The following PDLIM5 variants were observed in gnomAD, a reference collection of about 807,000 sequenced individuals.
PDLIM5 encodes PDZ and LIM domain protein 5.
PDLIM5 carries 34 observed loss-of-function variants against 64.2 expected under a neutral mutation model. That is an observed-to-expected ratio of 0.53 (90% confidence interval 0.40 to 0.71). The LOEUF (loss-of-function observed/expected upper bound fraction) is 0.71, where lower values mean the gene tolerates loss of function less well. Among genes scored for constraint, PDLIM5 ranks in the 30% least tolerant of loss-of-function variants. The pLI, the probability that PDLIM5 is intolerant of heterozygous loss-of-function variation, is 0.00. For missense variants in PDLIM5, 683 were observed against 733.6 expected (o/e 0.93, Z 0.80); for synonymous variants, 253 against 269.1 (o/e 0.94, Z 0.59).
chr4:94,459,198 T>C (rs1184996849), intron 2 of PDLIM5, among the ~76,000 whole-genome samples: 1 of 152,230 alleles, frequency 6.6e-6, no homozygotes, highest in East Asian at 1.9e-4. Context: ...TAAGTTGTTA[T>C]ATCCTAAAGT....
intron 7 of PDLIM5, among the ~76,000 whole-genome samples, chr4:94,600,605 A>G (rs1737417994): frequency 6.6e-6 from 1 of 152,218 alleles, no homozygotes; most frequent in Admixed American, 6.5e-5. Context: ...TAAAACTACA[A>G]AATGGCAGAT....
chr4:94,498,877 G>A (rs1015871976), intron 2 of PDLIM5, among the ~76,000 whole-genome samples: 1 of 152,174 alleles, frequency 6.6e-6, no homozygotes, highest in South Asian at 2.1e-4. Flanking sequence ...ACTTTATTAT[G>A]TGACTTCATA....
chr4:94,579,616 A>AT, intron 5 of PDLIM5: 5 of 636,444 alleles, frequency 7.9e-6, no homozygotes, highest in Non-Finnish European at 1.3e-5. Context: ...TTTTTGCAAA[A>AT]TTAAGTTAAA....
intron 2 of PDLIM5, among the ~76,000 whole-genome samples, chr4:94,504,101 A>AT (rs1425546958): frequency 1.3e-5 from 2 of 152,118 alleles, no homozygotes; most frequent in African/African-American, 4.8e-5. Flanking sequence ...ATAGAAAGGT[A>AT]TTTTAGTATT....
intron 8 of PDLIM5, among the ~76,000 whole-genome samples, chr4:94,634,337 T>G (rs1330574615): frequency 6.6e-6 from 1 of 152,098 alleles, no homozygotes; most frequent in Non-Finnish European, 1.5e-5. Context: ...TGTGATGTGT[T>G]TTTTGTATCA....
chr4:94,570,531 A>C (rs1157132861), intron 3 of PDLIM5, among the ~76,000 whole-genome samples: 1 of 152,216 alleles, frequency 6.6e-6, no homozygotes, highest in Non-Finnish European at 1.5e-5. Flanking sequence ...GAATCTTTAC[A>C]TAATCTCAAA....
chr4:94,501,083 T>C lies in PDLIM5; in HGVS notation c.97-22641T>C, dbSNP rs1263352723. 2.9e-4 allele frequency among the ~76,000 whole-genome samples: 9 copies of C among 31,014 alleles called. No homozygotes were observed. In the East Asian group the frequency reaches 4.3e-3, roughly 15 times the overall value. 20.3% of individuals were successfully genotyped at this position (31,014 alleles called of 152,430 possible). A position where few individuals can be genotyped will look rare whatever the true frequency, so the allele number is the denominator to read the frequency against. On this transcript the variant is annotated intron_variant, in intron 2 of 12. Transcript: ENST00000317968. ...AGGTGTGAGCCACTATACCTGGCCT[T>C]TTTTTTTTTTTTTCTCAGACAAGGT...
At chr4:94,480,207 A>G (rs570200842) in intron 2 of PDLIM5, among the ~76,000 whole-genome samples, 39 of 152,194 alleles carry the variant, frequency 2.6e-4, no homozygotes, top group Non-Finnish European at 4.7e-4. Flanking sequence ...ATACATCTCA[A>G]TTTTCTTAAT....
Position 94,585,582 on chromosome 4 carries a change from T to A in PDLIM5, c.728T>A (p.Ile243Asn), listed in dbSNP as rs760588489. ...AACCCTAGCCCACCAAGAAAACACATTGTGGAGCGCTATACAGAGTTTTAT... is the reference window on the plus strand; with the variant it reads ...AACCCTAGCCCACCAAGAAAACACAATGTGGAGCGCTATACAGAGTTTTAT... ...KQQNGPPRKH[I>N]VERYTEFYHV... The change falls in exon 6 of 13, where the codon ATT becomes AAT. Residue 243 changes from isoleucine (I) to asparagine (N), a missense_variant. Transcript: ENST00000317968. The A allele has an allele frequency of 6.3e-7, 1 of 1,597,136 alleles. No individual in the cohort carries two copies. Among genetic ancestry groups the A allele is most frequent in the South Asian group, 1.1e-5 (1 of 88,064 alleles).
intron 3 of PDLIM5, among the ~76,000 whole-genome samples, chr4:94,531,849 C>T (rs989024057): frequency 6.6e-6 from 1 of 152,050 alleles, no homozygotes; most frequent in Non-Finnish European, 1.5e-5. Flanking sequence ...TTTTTACTCT[C>T]CCCTGTCAGT....
At chr4:94,557,722 T>C (rs1578371188) in intron 3 of PDLIM5, among the ~76,000 whole-genome samples, 1 of 152,168 alleles carries the variant, frequency 6.6e-6, no homozygotes, top group African/African-American at 2.4e-5. Context: ...GTTATTGGTG[T>C]ATAAGAATGC....
chr4:94,576,098 A>G (rs985223570), intron 5 of PDLIM5, 64 bp downstream of exon 5: 17 of 1,402,838 alleles, frequency 1.2e-5, no homozygotes, highest in Non-Finnish European at 1.6e-5. Context: ...TCCAGGAAAT[A>G]CTCTACATTC....
intron 2 of PDLIM5, among the ~76,000 whole-genome samples, chr4:94,462,213 C>T (rs1723956779): frequency 2.0e-5 from 3 of 152,116 alleles, no homozygotes; most frequent in East Asian, 1.9e-4. Flanking sequence ...AAAAGATACA[C>T]GAGCGTATAG....
At chr4:94,465,864 G>A (rs1446108886) in intron 2 of PDLIM5, among the ~76,000 whole-genome samples, 4 of 152,066 alleles carry the variant, frequency 2.6e-5, no homozygotes, top group African/African-American at 7.2e-5. Flanking sequence ...TCTTATTTCC[G>A]AGGAATAGAT....
chr4:94,553,814 G>A (rs999893834), intron 3 of PDLIM5, among the ~76,000 whole-genome samples: 3 of 152,164 alleles, frequency 2.0e-5, no homozygotes, highest in African/African-American at 2.4e-5. Flanking sequence ...TCTGTATCAA[G>A]AAATTCAGCT....
chr4:94,558,902 A>G (rs1483696769), intron 3 of PDLIM5, among the ~76,000 whole-genome samples: 1 of 152,112 alleles, frequency 6.6e-6, no homozygotes, highest in African/African-American at 2.4e-5. Context: ...TAATAAAACC[A>G]TGTGTTGGGT....
chr4:94,599,639 T>G (rs903174384), intron 7 of PDLIM5, among the ~76,000 whole-genome samples: 22 of 152,148 alleles, frequency 1.4e-4, no homozygotes, highest in Non-Finnish European at 3.1e-4. Flanking sequence ...AATAGTAAGG[T>G]TATTTATTCA....
At chr4:94,486,959 T>G (rs762990459) in intron 2 of PDLIM5, among the ~76,000 whole-genome samples, 9 of 152,000 alleles carry the variant, frequency 5.9e-5, no homozygotes, top group Non-Finnish European at 1.0e-4. Context: ...GCTATAATCA[T>G]GCCACTGCAC....
intron 11 of PDLIM5, 53 bp from the exon 12 acceptor site, chr4:94,662,369 T>A: frequency 1.2e-6 from 1 of 842,368 alleles, no homozygotes; most frequent in Non-Finnish European, 2.0e-6. Flanking sequence ...GGAACGATCA[T>A]TCTAAAACTT....
Sources: allele counts gnomAD v4.1 joint callset (sites outside exome capture counted in the v4.1 genomes callset), GRCh38; gene constraint gnomAD v4.1.1; transcripts MANE v1.5; gene names NCBI Gene and HGNC (gene_info 2026-07-23, HGNC 2026-07-21).